CYREN: variants seen among roughly 807,000 people sequenced by gnomAD.
CYREN encodes the protein cell cycle regulator of NHEJ.
In CYREN, 7 loss-of-function variants were observed where a neutral mutation model predicts 9.7. The observed-to-expected ratio is 0.72, with a 90% CI of 0.41 to 1.36. The LOEUF (loss-of-function observed/expected upper bound fraction) is 1.36, where lower values mean the gene tolerates loss of function less well. CYREN is among the 40% of genes most tolerant of loss of function. The pLI is 0.01. For synonymous variants in CYREN, 76 were observed against 77.9 expected (o/e 0.98, Z 0.13); for missense variants, 215 against 198.1 (o/e 1.09, Z -0.51).
chr7:135,094,627 A>G, intron 2 of CYREN: 1 of 433,102 alleles, frequency 2.3e-6, no homozygotes, highest in Non-Finnish European at 4.6e-6. Flanking sequence ...ATACACCCAG[A>G]GCATTCTCCG....
chr7:135,093,903 G>C (rs1822242801), exon 3 of CYREN: 1 of 157,728 alleles, frequency 6.3e-6, no homozygotes, highest in African/African-American at 2.4e-5. Flanking sequence ...TAAACATATA[G>C]ATAAATGAAA....
chr7:135,096,771 GAAAGAA>G (rs1321667016), intron 2 of CYREN, among the ~76,000 whole-genome samples: 3 of 148,466 alleles, frequency 2.0e-5, no homozygotes, highest in Admixed American at 6.7e-5. Flanking sequence ...AAGAAAGAAA[GAAAGAA>G]AGAAAGAAAG....
chr7:135,129,324 A>T, intron 2 of CYREN: 1 of 1,256,018 alleles, frequency 8.0e-7, no homozygotes, highest in Non-Finnish European at 1.2e-6. Context: ...ATGTAAGGTG[A>T]CTGCAGAGAA....
chr7:135,128,379 T>TA, intron 2 of CYREN: 1 of 519,050 alleles, frequency 1.9e-6, no homozygotes, highest in Non-Finnish European at 3.5e-6. Flanking sequence ...GGTGGGAGTG[T>TA]AGCAGTGAGG....
At chr7:135,165,538 T>C (rs1002087725), downstream of CYREN, 2 of 168,374 alleles carry the variant, frequency 1.2e-5, no homozygotes, top group African/African-American at 4.8e-5. Context: ...GGTCCAGGAG[T>C]GATCTCTGAG....
intron 2 of CYREN, among the ~76,000 whole-genome samples, chr7:135,136,345 A>G (rs992219416): frequency 6.6e-6 from 1 of 152,100 alleles, no homozygotes; most frequent in Admixed American, 6.6e-5. Context: ...TGCACTGTTA[A>G]AAGAGTAACT....
intron 2 of CYREN, among the ~76,000 whole-genome samples, chr7:135,139,265 A>G (rs1829409561): frequency 6.6e-6 from 1 of 151,884 alleles, no homozygotes; most frequent in Non-Finnish European, 1.5e-5. Context: ...TTTTTACTTT[A>G]ACAATAGCCA....
chr7:135,098,058 T>C (rs925744725), intron 2 of CYREN, among the ~76,000 whole-genome samples: 2 of 152,154 alleles, frequency 1.3e-5, no homozygotes, highest in African/African-American at 4.8e-5. Context: ...CCCTACATGA[T>C]GAATTTATAG....
chr7:135,106,009 G>A (rs544494793), intron 2 of CYREN, among the ~76,000 whole-genome samples: 3 of 152,078 alleles, frequency 2.0e-5, no homozygotes, highest in Admixed American at 1.3e-4. Flanking sequence ...TTATGAATGG[G>A]ATTGTGTTCC....
chr7:135,164,928 C>A (rs1830053756), downstream of CYREN: 1 of 1,613,920 alleles, frequency 6.2e-7, no homozygotes, highest in Admixed American at 1.7e-5. Flanking sequence ...CTTACTCATC[C>A]TCTTGCTTAT....
intron 2 of CYREN, among the ~76,000 whole-genome samples, chr7:135,102,903 A>C (rs1824068808): frequency 6.6e-6 from 1 of 152,222 alleles, no homozygotes; most frequent in African/African-American, 2.4e-5. Flanking sequence ...AACACCAATT[A>C]TAAAAGAAAA....
chr7:135,102,637 T>C (rs1215962312), intron 2 of CYREN, among the ~76,000 whole-genome samples: 1 of 151,386 alleles, frequency 6.6e-6, no homozygotes, highest in Non-Finnish European at 1.5e-5. Flanking sequence ...TTTTTTTTTT[T>C]CATTGCTCTA....
chr7:135,159,697 A>G (rs1829879697), intron 2 of CYREN, among the ~76,000 whole-genome samples: 1 of 152,284 alleles, frequency 6.6e-6, no homozygotes, highest in South Asian at 2.1e-4. Context: ...GGGTTCATAC[A>G]GACCAACAAA....
At chr7:135,164,518 G>A, downstream of CYREN, 2 of 1,613,972 alleles carry the variant, frequency 1.2e-6, no homozygotes, top group South Asian at 1.1e-5. Context: ...GTGGTCATCT[G>A]CCTGATGTTT....
At chr7:135,168,557 G>A (rs73153795) in intron 2 of CYREN, 162,983 of 569,776 alleles carry the variant, frequency 0.29, 25,703 homozygotes, top group South Asian at 0.46. Flanking sequence ...TGTGCTGAGG[G>A]CAGGGCACTC....
At chr7:135,165,003 C>T (rs762546752), downstream of CYREN, 3 of 1,569,302 alleles carry the variant, frequency 1.9e-6, no homozygotes, top group Admixed American at 5.5e-5. Flanking sequence ...CTGCTAAAGG[C>T]TTACGTGATT....
chr7:135,140,045 G>C (rs1477853130), intron 2 of CYREN, among the ~76,000 whole-genome samples: 1 of 151,402 alleles, frequency 6.6e-6, no homozygotes, highest in Non-Finnish European at 1.5e-5. Context: ...GGCAATTCAG[G>C]CTCTTTTTTG....
chr7:135,169,587 T>C (rs913184944), intron 1 of CYREN: 6 of 152,088 alleles, frequency 3.9e-5, no homozygotes, highest in South Asian at 2.1e-4. Flanking sequence ...GAAGCAGCAA[T>C]AGGGGCCCGG....
chr7:135,166,695 A>ACC lies in CYREN; in HGVS notation c.388_389dup (p.Ser131ValfsTer19), dbSNP rs753942205. 6.2e-7 allele frequency: 1 copy of ACC among 1,612,674 alleles called. No homozygotes were observed. The highest frequency in any genetic ancestry group is 1.3e-5 in the African/African-American group (1 of 75,016). On this transcript the variant is annotated frameshift_variant, in exon 4 of 4. Coordinates refer to ENST00000393114, the MANE Select transcript of CYREN (RefSeq NM_024033.4). LOFTEE classifies it low-confidence loss of function (END_TRUNC). Reference sequence around the variant, plus strand: ...GGCTCCTGCTACAGGCAGAGCTGGAACCCCCCGGCCTCTGGGAAGGGCTGA... The same window carrying ACC: ...GGCTCCTGCTACAGGCAGAGCTGGAACCCCCCCCGGCCTCTGGGAAGGGCTGA...
Sources: gnomAD v4.1 joint callset for allele counts (sites outside exome capture counted in the v4.1 genomes callset) on GRCh38, gnomAD v4.1.1 for gene constraint, MANE v1.5 for transcripts, NCBI Gene and HGNC (gene_info 2026-07-23, HGNC 2026-07-21) for gene names.